The following ZNF292 variants were observed in gnomAD, a reference collection of about 807,000 sequenced individuals.
The protein encoded by ZNF292 is zinc finger protein 292, also known as 16 zinc-finger domain protein.
A neutral mutation model predicts 217.9 loss-of-function variants in ZNF292; 26 were observed. The observed-to-expected ratio is 0.12, with a 90% CI of 0.09 to 0.17. The LOEUF is 0.17. Among genes scored for constraint, ZNF292 ranks in the 10% least tolerant of loss-of-function variants. The pLI, the probability that ZNF292 is intolerant of heterozygous loss-of-function variation, is 1.00. For missense variants in ZNF292, 2,904 were observed against 3,175.2 expected (o/e 0.91, Z 2.05); for synonymous variants, 1,257 against 1,124.1 (o/e 1.12, Z -2.37).
chr6:87,233,963 T>C (rs1024226941), intron 5 of ZNF292, among the ~76,000 whole-genome samples: 5 of 152,232 alleles, frequency 3.3e-5, no homozygotes, highest in African/African-American at 7.2e-5. Context: ...AATATATATA[T>C]GCACATCTAT....
chr6:87,174,230 A>T (rs1196339712), intron 1 of ZNF292: 1 of 153,678 alleles, frequency 6.5e-6, no homozygotes, highest in Non-Finnish European at 1.4e-5. Context: ...CGGCAGCTCT[A>T]GGAAAGGAAG....
chr6:87,261,927 C>CAA lies in ZNF292; in HGVS notation c.*131_*132dup. 2 of 626,550 alleles carry CAA rather than the reference C, an allele frequency of 3.2e-6. No individual in the cohort carries two copies. 38.8% of individuals were successfully genotyped at this position (626,550 alleles called of 1,614,324 possible). A position where few individuals can be genotyped will look rare whatever the true frequency, so the allele number is the denominator to read the frequency against. ...TGACATGAATTAACCTGGCCAAAAA[C>CAA]AAAAAAGAAAAAAAAAACATGACAT... On this transcript the variant is annotated 3_prime_UTR_variant, in exon 8 of 8. Transcript: ENST00000369577.
intron 1 of ZNF292, among the ~76,000 whole-genome samples, chr6:87,202,681 G>A (rs542608998): frequency 6.6e-6 from 1 of 151,986 alleles, no homozygotes; most frequent in Non-Finnish European, 1.5e-5. Context: ...GTTCCTTGTC[G>A]TAAAGAGATA....
chr6:87,248,045 C>A (rs900541512), intron 7 of ZNF292, among the ~76,000 whole-genome samples: 1 of 152,140 alleles, frequency 6.6e-6, no homozygotes, highest in Non-Finnish European at 1.5e-5. Context: ...CATAAAGTTA[C>A]TGATTTTCTT....
chr6:87,259,145 A>C lies in ZNF292; in HGVS notation c.5516A>C (p.Glu1839Ala). Residue 1839 changes from glutamate (E) to alanine (A), a missense_variant, in exon 8 of 8, where the codon GAA (glutamate) becomes GCA (alanine). Glu to Ala is a moderately radical substitution (Grantham distance 107). This residue lies in a region of ZNF292 where 622 missense variants were observed against 573.1 expected (regional missense o/e 1.09). Coordinates refer to ENST00000369577, the MANE Select transcript of ZNF292 (RefSeq NM_015021.3). Reference protein sequence around the residue: ...EVSHKEDQIQEILEGLQKLKL... With the variant: ...EVSHKEDQIQAILEGLQKLKL... Reference sequence around the variant, plus strand: ...TCACATAAGGAGGATCAAATACAGGAAATTTTAGAAGGCTTACAGAAATTA... The same window carrying C: ...TCACATAAGGAGGATCAAATACAGGCAATTTTAGAAGGCTTACAGAAATTA... 6.2e-7 allele frequency: 1 copy of C among 1,613,422 alleles called. No individual in the cohort carries two copies.
chr6:87,203,289 A>G (rs923231541), intron 1 of ZNF292, among the ~76,000 whole-genome samples: 1 of 151,664 alleles, frequency 6.6e-6, no homozygotes, highest in Non-Finnish European at 1.5e-5. Flanking sequence ...CTACAGGCAC[A>G]TGTCACCATA....
At chr6:87,162,910 C>T (rs1391608522) in intron 1 of ZNF292, among the ~76,000 whole-genome samples, 3 of 152,080 alleles carry the variant, frequency 2.0e-5, no homozygotes, top group Non-Finnish European at 4.4e-5. Flanking sequence ...TGAGTATGCT[C>T]TTATAGTTGT....
At chr6:87,220,881 C>T (rs1773049930) in intron 4 of ZNF292, among the ~76,000 whole-genome samples, 1 of 152,086 alleles carries the variant, frequency 6.6e-6, no homozygotes, top group African/African-American at 2.4e-5. Context: ...TACAATACAG[C>T]TCATGAAACA....
chr6:87,221,133 T>TTTGATTTGGGAGAGTAAGGGTGGA (rs1773064850), intron 4 of ZNF292, among the ~76,000 whole-genome samples: 1 of 152,164 alleles, frequency 6.6e-6, no homozygotes, highest in Non-Finnish European at 1.5e-5. Flanking sequence ...AAAGCCCAGC[T>TTTGATTTGGGAGAGTAAGGGTGGA]CAACTGAGAA....
intron 4 of ZNF292, among the ~76,000 whole-genome samples, chr6:87,219,806 A>G (rs1772986886): frequency 6.6e-6 from 1 of 152,166 alleles, no homozygotes; most frequent in Admixed American, 6.5e-5. Flanking sequence ...AGATCCTTTC[A>G]TTACTTAATA....
At chr6:87,225,615 A>G (rs984461756) in intron 4 of ZNF292, among the ~76,000 whole-genome samples, 1 of 152,174 alleles carries the variant, frequency 6.6e-6, no homozygotes, top group Non-Finnish European at 1.5e-5. Flanking sequence ...TTTCTGAACA[A>G]TCACAACCCA....
At chr6:87,180,990 G>C (rs942809585) in intron 1 of ZNF292, among the ~76,000 whole-genome samples, 2 of 152,204 alleles carry the variant, frequency 1.3e-5, no homozygotes, top group African/African-American at 4.8e-5. Context: ...ATGCAGACAG[G>C]TAGGTGCAGA....
Position 87,254,748 on chromosome 6 carries a change from G to A in ZNF292, c.1119G>A (p.Lys373=), listed in dbSNP as rs769708027. Reference sequence around the variant, plus strand: ...CTGAAGTGAAAATATCTATTTGCAAGACCATTTCATGTTTGTTGCCTGATG... The same window carrying A: ...CTGAAGTGAAAATATCTATTTGCAAAACCATTTCATGTTTGTTGCCTGATG... ...ENTEVKISIC[K]TISCLLPDDL... Residue 373 remains lysine, a synonymous_variant, in exon 8 of 8, where the codon AAG becomes AAA. Transcript: ENST00000369577. 3 of 1,613,908 alleles carry A rather than the reference G, an allele frequency of 1.9e-6. No individual in the cohort carries two copies. The highest frequency in any genetic ancestry group is 2.5e-6 in the Non-Finnish European group (3 of 1,179,826).
chr6:87,194,613 C>A (rs1197646686), intron 1 of ZNF292, among the ~76,000 whole-genome samples: 3 of 151,986 alleles, frequency 2.0e-5, no homozygotes, highest in Non-Finnish European at 4.4e-5. Context: ...AAAATACAAA[C>A]TACTGAAATT....
rs368017714 is a variant in ZNF292, at chr6:87,258,480, C to T, written c.4851C>T (p.Ser1617=). The part of the protein sequence containing the change: ...SVISGPQNTR[S]SHLNKKGNSA... ...TAAGTGGTCCTCAGAACACAAGATC[C>T]AGTCATTTAAATAAAAAGGGAAACA... Residue 1617 remains serine, a synonymous_variant, in exon 8 of 8, where the codon TCC becomes TCT. Transcript: ENST00000369577. 6.2e-7 allele frequency: 1 copy of T among 1,613,498 alleles called. No homozygotes were observed. Among genetic ancestry groups the T allele is most frequent in the Non-Finnish European group, 8.5e-7 (1 of 1,179,750 alleles).
intron 5 of ZNF292, among the ~76,000 whole-genome samples, chr6:87,234,705 G>A (rs1773815748): frequency 1.3e-5 from 2 of 152,136 alleles, no homozygotes; most frequent in Non-Finnish European, 2.9e-5. Flanking sequence ...GGGATTGTAG[G>A]TAAAACATAA....
intron 1 of ZNF292, among the ~76,000 whole-genome samples, chr6:87,171,947 C>T (rs1771113467): frequency 6.6e-6 from 1 of 152,184 alleles, no homozygotes; most frequent in African/African-American, 2.4e-5. Context: ...GAGATTAGCA[C>T]TATGTCTGGT....
intron 1 of ZNF292, among the ~76,000 whole-genome samples, chr6:87,197,506 G>A (rs756313365): frequency 3.3e-5 from 5 of 151,030 alleles, no homozygotes; most frequent in Non-Finnish European, 7.4e-5. Context: ...AGGCCAAGGC[G>A]GGTGGATTAC....
intron 4 of ZNF292, among the ~76,000 whole-genome samples, chr6:87,232,063 T>C (rs959714277): frequency 6.6e-6 from 1 of 152,138 alleles, no homozygotes; most frequent in African/African-American, 2.4e-5. Context: ...ACCAGAAACA[T>C]ATGCTTTATT....
Sources: gnomAD v4.1 joint callset for allele counts (sites outside exome capture counted in the v4.1 genomes callset) on GRCh38, gnomAD v4.1.1 for gene constraint, gnomAD v4.1.1 regional missense constraint, MANE v1.5 for transcripts, NCBI Gene and HGNC (gene_info 2026-07-23, HGNC 2026-07-21) for gene names.